Variants in MECR observed in about 807,000 individuals in gnomAD.
MECR encodes the protein enoyl-[acyl-carrier-protein] reductase, mitochondrial.
Under a neutral mutation model 49.1 loss-of-function variants are expected in MECR, and 37 were observed. That is an observed-to-expected ratio of 0.75 (90% CI 0.58 to 0.99). The LOEUF is 0.99. Ranked by LOEUF, MECR falls within the 50% of genes least tolerant of loss-of-function variation. The probability of loss-of-function intolerance (pLI) is 0.00; values close to 1 mark genes in which losing one functional copy is unlikely to be tolerated. For synonymous variants in MECR, 198 were observed against 191.1 expected (o/e 1.04, Z -0.30); for missense variants, 470 against 479.6 (o/e 0.98, Z 0.19).
At chr1:29,174,004 C>T in the MECR span, among the ~76,000 whole-genome samples, 2 of 151,430 alleles carry the variant, frequency 1.3e-5, no homozygotes, top group Non-Finnish European at 2.9e-5. Context: ...GCCTGGCCAA[C>T]AAGGTGAAAC....
intron 3 of MECR, among the ~76,000 whole-genome samples, chr1:29,209,015 G>A (rs894606047): frequency 6.6e-6 from 1 of 152,210 alleles, no homozygotes; most frequent in Non-Finnish European, 1.5e-5. Context: ...ACTGGGATGG[G>A]ATGATGCTGC....
rs1436109252 is a variant in MECR at position 29,194,082 on chromosome 1, C to T, written c.1062G>A (p.Gln354=). Residue 354 remains glutamine (Q), a synonymous_variant, in exon 10 of 10, where the codon CAG becomes CAA. Transcript: ENST00000263702. ...GCTTCATGGAGGCTTCCAAGGCAGA[C>T]TGGTAGTCCTGCAGCGGGACCTGGG... The part of the protein sequence containing the change: ...ACSQVPLQDY[Q]SALEASMKPF... The T allele has an allele frequency of 5.0e-6, 8 of 1,614,020 alleles. No individual in the cohort carries two copies. Among genetic ancestry groups the T allele is most frequent in the Non-Finnish European group, 6.8e-6 (8 of 1,180,012 alleles).
intron 1 of MECR, among the ~76,000 whole-genome samples, chr1:29,228,353 CTTTTTT>C (rs5773235): frequency 7.4e-6 from 1 of 134,596 alleles, no homozygotes; most frequent in Non-Finnish European, 1.6e-5. Flanking sequence ...GTGGAAGTAT[CTTTTTT>C]TTTTTTTTTT....
chr1:29,196,734 C>T (rs1404122995), intron 7 of MECR, among the ~76,000 whole-genome samples: 1 of 150,778 alleles, frequency 6.6e-6, no homozygotes, highest in East Asian at 2.0e-4. Context: ...CTGGGGATGG[C>T]AGCTCACACC....
intron 2 of MECR, 121 bp from the exon 3 acceptor site, chr1:29,216,257 A>G: frequency 1.7e-6 from 2 of 1,152,000 alleles, no homozygotes; most frequent in Admixed American, 4.6e-5. Context: ...TGCCTAACCA[A>G]CCTCTGAGCC....
At position 29,193,147 on chromosome 1, in the gene MECR, G is replaced by C. The variant is rs190509198; in HGVS notation, c.*875C>G. On this transcript the variant is annotated 3_prime_UTR_variant, in exon 10 of 10. Coordinates refer to ENST00000263702, the MANE Select transcript of MECR (RefSeq NM_016011.5). ...TTTTGTAGAGATGGTGTTTCACCAC[G>C]TTACCTAGGTTGACCTTGAACTCCT... The C allele has an allele frequency of 5.4e-6, 1 of 186,228 alleles. No individual in the cohort carries two copies. The highest frequency in any genetic ancestry group is 1.1e-5 in the Non-Finnish European group (1 of 88,750). The allele number at this position is 186,228 out of a possible 1,614,324, so 11.5% of individuals were successfully genotyped here.
Position 29,201,296 on chromosome 1 carries a change from A to C in MECR, c.756+647T>G, listed in dbSNP as rs1367901725. ...CTACTGCTTCAGAAATGTTCGCAAG[A>C]AGCGCATGCTCTTGAGTGTGTGTCT... On this transcript the variant is annotated intron_variant, in intron 6 of 9. Transcript: ENST00000263702. The surrounding 1 kb of genome is among the most constrained non-coding windows in gnomAD (Gnocchi z 4.3). 1.5e-5 allele frequency: 7 copies of C among 476,712 alleles called. No homozygotes were observed. The highest frequency in any genetic ancestry group is 3.0e-5 in the Non-Finnish European group (7 of 237,180). The allele number at this position is 476,712 out of a possible 1,614,324, so 29.5% of individuals were successfully genotyped here.
downstream of MECR, among the ~76,000 whole-genome samples, chr1:29,188,377 T>C (rs1349624085): frequency 6.6e-6 from 1 of 151,030 alleles, no homozygotes; most frequent in African/African-American, 2.4e-5. Flanking sequence ...TTAGTACAAA[T>C]TAATTTAGTA....
At chr1:29,173,010 T>C in the MECR span, 1 of 152,072 alleles carries the variant, frequency 6.6e-6, no homozygotes, top group Non-Finnish European at 1.5e-5. Flanking sequence ...TGACACAAAA[T>C]TGCACGTAAA....
intron 3 of MECR, 23 bp from the exon 4 acceptor site, chr1:29,206,928 G>T: frequency 6.2e-7 from 1 of 1,613,438 alleles, no homozygotes; most frequent in Non-Finnish European, 8.5e-7. Flanking sequence ...ATGAAGCCAG[G>T]ATCATAAGGA....
At chr1:29,198,818 T>C (rs935348554) in intron 7 of MECR, among the ~76,000 whole-genome samples, 2 of 152,220 alleles carry the variant, frequency 1.3e-5, no homozygotes, top group African/African-American at 4.8e-5. Context: ...GGTTTCACCA[T>C]GTTGGCCAGG....
At chr1:29,195,548 T>C (rs1034568110) in intron 9 of MECR, among the ~76,000 whole-genome samples, 10 of 152,210 alleles carry the variant, frequency 6.6e-5, no homozygotes, top group Admixed American at 5.9e-4. Context: ...GAGTTTAAAC[T>C]TAGGACATTT....
intron 7 of MECR, among the ~76,000 whole-genome samples, chr1:29,198,798 G>T (rs1674625511): frequency 6.6e-6 from 1 of 152,180 alleles, no homozygotes; most frequent in Non-Finnish European, 1.5e-5. Flanking sequence ...TGTATTTTTA[G>T]TAGAGACGAG....
At chr1:29,181,842 G>C in the MECR span, 4 of 1,080,136 alleles carry the variant, frequency 3.7e-6, no homozygotes, top group African/African-American at 6.6e-5. Flanking sequence ...CGGCGGCGGC[G>C]GCAACGGGCG....
chr1:29,212,351 G>A (rs1283758983), intron 3 of MECR, among the ~76,000 whole-genome samples: 1 of 152,156 alleles, frequency 6.6e-6, no homozygotes, highest in Non-Finnish European at 1.5e-5. Flanking sequence ...CCCATGAGGT[G>A]GAGGTTGCAG....
At chr1:29,199,538 A>G (rs1218143591) in intron 7 of MECR, among the ~76,000 whole-genome samples, 1 of 152,072 alleles carries the variant, frequency 6.6e-6, no homozygotes, top group Non-Finnish European at 1.5e-5. Flanking sequence ...AGAAGCTTAT[A>G]TTAAGGGAAA....
chr1:29,229,431 G>A (rs887213353), intron 1 of MECR, among the ~76,000 whole-genome samples: 6 of 152,076 alleles, frequency 3.9e-5, no homozygotes, highest in African/African-American at 1.4e-4. Context: ...TCTAGAACTC[G>A]TGACCTCAGG....
the MECR span, among the ~76,000 whole-genome samples, chr1:29,175,890 T>C: frequency 6.6e-6 from 1 of 152,086 alleles, no homozygotes; most frequent in South Asian, 2.1e-4. Flanking sequence ...TTTCTTAACA[T>C]AGACTCTAAT....
intron 3 of MECR, among the ~76,000 whole-genome samples, chr1:29,211,168 C>T (rs867773788): frequency 1.4e-4 from 21 of 151,716 alleles, no homozygotes; most frequent in Admixed American, 6.6e-4. Context: ...CTTCTGCTTC[C>T]TGGTCTCGAG....
Sources: allele counts gnomAD v4.1 joint callset (sites outside exome capture counted in the v4.1 genomes callset), GRCh38; gene constraint gnomAD v4.1.1; non-coding constraint Gnocchi (gnomAD v3.1); transcripts MANE v1.5; gene names NCBI Gene and HGNC (gene_info 2026-07-23, HGNC 2026-07-21).